THOC2: variants seen among roughly 807,000 people sequenced by gnomAD.
The protein encoded by THOC2 is THO complex 2.
In THOC2, 10 loss-of-function variants were observed where a neutral mutation model predicts 128.4. The observed-to-expected ratio is 0.08, with a 90% CI of 0.05 to 0.13. The LOEUF (loss-of-function observed/expected upper bound fraction) is 0.13, where lower values mean the gene tolerates loss of function less well. Among genes scored for constraint, THOC2 ranks in the 10% least tolerant of loss-of-function variants. The pLI is 1.00. For missense variants in THOC2, 535 were observed against 1,155.7 expected (o/e 0.46, Z 7.79); for synonymous variants, 393 against 396.9 (o/e 0.99, Z 0.12).
intron 1 of THOC2, among the ~76,000 whole-genome samples, chrX:123,732,221 A>G (rs1442808883): frequency 8.9e-6 from 1 of 112,040 alleles, no homozygotes; most frequent in Non-Finnish European, 1.9e-5. Context: ...CCCAGGATAA[A>G]ATGGGGTTTA....
At chrX:123,700,587 C>G (rs1032659756) in intron 4 of THOC2, among the ~76,000 whole-genome samples, 2 of 103,956 alleles carry the variant, frequency 1.9e-5, no homozygotes, top group Non-Finnish European at 3.9e-5. Flanking sequence ...TATCTTAACC[C>G]GGAAAGTGCA....
At chrX:123,624,335 T>G (rs1349657041) in intron 26 of THOC2, 144 bp from the exon 27 acceptor site, 3 of 711,932 alleles carry the variant, frequency 4.2e-6, no homozygotes, top group African/African-American at 2.2e-5. Flanking sequence ...GTTCAACTTA[T>G]ACAAAGATAC....
At chrX:123,637,680 A>T (rs1177946670) in intron 18 of THOC2, among the ~76,000 whole-genome samples, 1 of 111,031 alleles carries the variant, frequency 9.0e-6, no homozygotes, top group African/African-American at 3.3e-5. Flanking sequence ...GAATTGCTAG[A>T]ACCTGGGAGG....
At chrX:123,646,585 A>G (rs1167273960) in intron 12 of THOC2, among the ~76,000 whole-genome samples, 1 of 112,724 alleles carries the variant, frequency 8.9e-6, no homozygotes, top group Non-Finnish European at 1.9e-5. Flanking sequence ...TCTAACTGTT[A>G]TGCTACATTT....
At chrX:123,657,672 T>C (rs1383860657) in intron 12 of THOC2, among the ~76,000 whole-genome samples, 1 of 109,301 alleles carries the variant, frequency 9.1e-6, no homozygotes, top group African/African-American at 3.3e-5. Flanking sequence ...TTCTGGACCC[T>C]GTGAAATTAT....
At chrX:123,608,238 T>C (rs989962999) in intron 38 of THOC2, among the ~76,000 whole-genome samples, 2 of 106,742 alleles carry the variant, frequency 1.9e-5, no homozygotes, top group Non-Finnish European at 3.9e-5. Context: ...CCGTCTCTAC[T>C]AAAAATACAA....
At chrX:123,682,969 T>C (rs1333443174) in intron 8 of THOC2, among the ~76,000 whole-genome samples, 1 of 111,600 alleles carries the variant, frequency 9.0e-6, no homozygotes, top group Non-Finnish European at 1.9e-5. Context: ...TTCTGGTACC[T>C]TCACACTTTC....
chrX:123,678,267 CTTT>C (rs760673764), intron 8 of THOC2, among the ~76,000 whole-genome samples: 2 of 98,279 alleles, frequency 2.0e-5, no homozygotes, highest in Non-Finnish European at 2.1e-5. Context: ...TGTTTTCAAA[CTTT>C]TTTTTTTTTT....
At chrX:123,651,625 T>G (rs1023398874) in intron 12 of THOC2, among the ~76,000 whole-genome samples, 17 of 110,394 alleles carry the variant, frequency 1.5e-4, no homozygotes, top group Non-Finnish European at 2.8e-4. Context: ...TCACCATTGA[T>G]CCCACAGAAA....
chrX:123,677,516 T>A (rs2147840225), intron 8 of THOC2, among the ~76,000 whole-genome samples: 1 of 112,085 alleles, frequency 8.9e-6, no homozygotes, highest in East Asian at 2.8e-4. Flanking sequence ...ACACACATTG[T>A]ACAGCTGTAC....
chrX:123,730,139 G>GT (rs1431562612), intron 1 of THOC2, among the ~76,000 whole-genome samples: 1 of 107,646 alleles, frequency 9.3e-6, no homozygotes, highest in Non-Finnish European at 1.9e-5. Flanking sequence ...CTAATAACAG[G>GT]TTTTTTTGCT....
chrX:123,682,685 CAT>C (rs1250732126), intron 8 of THOC2, among the ~76,000 whole-genome samples: 3 of 111,962 alleles, frequency 2.7e-5, no homozygotes, highest in Admixed American at 9.5e-5. Context: ...TGTTTTCTAA[CAT>C]ATAATTTACT....
chrX:123,720,953 CTCA>C (rs2051666265), intron 1 of THOC2, among the ~76,000 whole-genome samples: 2 of 111,184 alleles, frequency 1.8e-5, no homozygotes, highest in Non-Finnish European at 3.8e-5. Context: ...TAAAGTTCAG[CTCA>C]TAGAAGATGA....
chrX:123,652,185 T>C (rs1206302148), intron 12 of THOC2, among the ~76,000 whole-genome samples: 1 of 112,010 alleles, frequency 8.9e-6, no homozygotes, highest in African/African-American at 3.2e-5. Flanking sequence ...AAAAACTACC[T>C]GATTATCTCA....
chrX:123,603,681 G>A (rs1383701539), intron 38 of THOC2: 2 of 470,905 alleles, frequency 4.2e-6, no homozygotes, highest in Non-Finnish European at 7.6e-6. Flanking sequence ...ATATCATTCT[G>A]AGAGTGACGC....
intron 12 of THOC2, among the ~76,000 whole-genome samples, chrX:123,656,258 G>A (rs765533749): frequency 1.1e-4 from 12 of 104,626 alleles, no homozygotes; most frequent in Admixed American, 3.1e-4. Context: ...GTGAACCCGG[G>A]AGGCAGAGGC....
At chrX:123,625,378 A>C (rs1020266796) in intron 25 of THOC2, among the ~76,000 whole-genome samples, 2 of 112,262 alleles carry the variant, frequency 1.8e-5, no homozygotes, top group Middle Eastern at 4.6e-3. Context: ...GATTACAGGC[A>C]TGAGCCACCG....
chrX:123,703,050 T>C (rs981867999), intron 4 of THOC2, among the ~76,000 whole-genome samples: 1 of 111,752 alleles, frequency 8.9e-6, no homozygotes, highest in African/African-American at 3.2e-5. Flanking sequence ...TCTTGCTCTT[T>C]CTAAAATTAA....
At chrX:123,634,681 G>A (rs772313687) in intron 19 of THOC2, among the ~76,000 whole-genome samples, 4 of 111,219 alleles carry the variant, frequency 3.6e-5, no homozygotes, top group Admixed American at 9.6e-5. Flanking sequence ...TGTTTTTGAT[G>A]GTATAGAGCC....
Sources: allele counts gnomAD v4.1 joint callset (sites outside exome capture counted in the v4.1 genomes callset), GRCh38; gene constraint gnomAD v4.1.1; transcripts MANE v1.5; gene names NCBI Gene and HGNC (gene_info 2026-07-23, HGNC 2026-07-21).